Variants in CCSER1 observed in about 807,000 individuals in gnomAD.
CCSER1 encodes the protein serine-rich coiled-coil domain-containing protein 1.
In CCSER1, 41 loss-of-function variants were observed where a neutral mutation model predicts 82.0. The ratio of observed to expected loss-of-function variants is 0.50; its 90% CI spans 0.39 to 0.65. CCSER1 has a LOEUF of 0.65. Ranked by LOEUF, CCSER1 falls within the 30% of genes least tolerant of loss-of-function variation. The probability of loss-of-function intolerance (pLI) is 0.00; values close to 1 mark genes in which losing one functional copy is unlikely to be tolerated. For synonymous variants in CCSER1, 414 were observed against 383.9 expected (o/e 1.08, Z -0.92); for missense variants, 1,119 against 1,064.2 (o/e 1.05, Z -0.72).
At chr4:91,049,930 C>A (rs190789404) in intron 9 of CCSER1, among the ~76,000 whole-genome samples, 8 of 152,288 alleles carry the variant, frequency 5.3e-5, no homozygotes, top group African/African-American at 1.7e-4. Flanking sequence ...CTGGCCCAGG[C>A]TACTACTTAT....
chr4:90,326,925 A>G (rs936448823), intron 3 of CCSER1, among the ~76,000 whole-genome samples: 2 of 152,202 alleles, frequency 1.3e-5, no homozygotes, highest in Admixed American at 1.3e-4. Context: ...TACAGCATAG[A>G]TGGACATTTT....
intron 1 of CCSER1, among the ~76,000 whole-genome samples, chr4:90,222,728 T>A (rs1742375320): frequency 6.6e-6 from 1 of 152,196 alleles, no homozygotes; most frequent in Non-Finnish European, 1.5e-5. Context: ...ATACCTTCCA[T>A]AATTATTTCA....
At chr4:90,441,038 A>G (rs981681808) in intron 4 of CCSER1, among the ~76,000 whole-genome samples, 2 of 152,216 alleles carry the variant, frequency 1.3e-5, no homozygotes, top group Non-Finnish European at 1.5e-5. Flanking sequence ...AAGACAAACA[A>G]TGGCATAAAG....
chr4:90,468,025 C>G (rs978742845), intron 4 of CCSER1, among the ~76,000 whole-genome samples: 2 of 152,006 alleles, frequency 1.3e-5, no homozygotes, highest in African/African-American at 4.8e-5. Flanking sequence ...CTTTTCCACC[C>G]TGGGATTTAA....
At chr4:90,319,377 T>C (rs1490177581) in intron 3 of CCSER1, among the ~76,000 whole-genome samples, 1 of 152,110 alleles carries the variant, frequency 6.6e-6, no homozygotes, top group East Asian at 1.9e-4. Flanking sequence ...ACAGCCTGGG[T>C]GCAGTGGCTC....
intron 9 of CCSER1, among the ~76,000 whole-genome samples, chr4:91,055,879 C>G (rs1443594055): frequency 1.4e-5 from 2 of 142,148 alleles, no homozygotes; most frequent in African/African-American, 5.2e-5. Context: ...GATCACTTTT[C>G]TTCAATCTTT....
intron 10 of CCSER1, among the ~76,000 whole-genome samples, chr4:91,135,042 G>C (rs1261756211): frequency 6.6e-6 from 1 of 151,324 alleles, no homozygotes; most frequent in East Asian, 1.9e-4. Context: ...CCTGGCGACA[G>C]AGAGAGACTC....
intron 10 of CCSER1, among the ~76,000 whole-genome samples, chr4:91,522,442 G>A (rs929071036): frequency 5.9e-5 from 9 of 152,198 alleles, no homozygotes; most frequent in African/African-American, 2.2e-4. Flanking sequence ...GGATGGCACT[G>A]AATCTATAAA....
intron 6 of CCSER1, among the ~76,000 whole-genome samples, chr4:90,652,979 A>G (rs1729046293): frequency 6.6e-6 from 1 of 152,156 alleles, no homozygotes; most frequent in Non-Finnish European, 1.5e-5. Context: ...ATTAATTAAT[A>G]TGCCTCATGC....
chr4:91,078,075 G>A (rs1258218298), intron 9 of CCSER1, among the ~76,000 whole-genome samples: 2 of 152,220 alleles, frequency 1.3e-5, no homozygotes, highest in African/African-American at 4.8e-5. Flanking sequence ...TCCCTGTCTG[G>A]CGGCTTTGAA....
chr4:91,006,298 G>A (rs1453913598), intron 9 of CCSER1, among the ~76,000 whole-genome samples: 1 of 150,634 alleles, frequency 6.6e-6, no homozygotes, highest in Non-Finnish European at 1.5e-5. Flanking sequence ...TTTTTTGTGT[G>A]CTATCAGCAT....
intron 8 of CCSER1, among the ~76,000 whole-genome samples, chr4:90,915,425 C>G (rs1194918899): frequency 6.6e-6 from 1 of 152,168 alleles, no homozygotes; most frequent in Non-Finnish European, 1.5e-5. Context: ...ACATGATTAT[C>G]TCAATAGATG....
chr4:90,932,950 G>GAA (rs1308619375), intron 9 of CCSER1, among the ~76,000 whole-genome samples: 1 of 31,942 alleles, frequency 3.1e-5, no homozygotes, highest in Non-Finnish European at 5.5e-5. Flanking sequence ...AAGAAAGAAA[G>GAA]AAAGAAAGAA....
intron 1 of CCSER1, among the ~76,000 whole-genome samples, chr4:90,167,811 T>G (rs1162691471): frequency 2.0e-5 from 3 of 152,098 alleles, no homozygotes; most frequent in Non-Finnish European, 4.4e-5. Context: ...AACTCATCCT[T>G]TTTTATGGCT....
intron 8 of CCSER1, among the ~76,000 whole-genome samples, chr4:90,921,042 AAATT>A (rs1728308879): frequency 6.6e-6 from 1 of 151,714 alleles, no homozygotes; most frequent in African/African-American, 2.4e-5. Context: ...TAAGAAATCA[AAATT>A]ATCTGCAATT....
chr4:90,946,253 G>A (rs1318836817), intron 9 of CCSER1, among the ~76,000 whole-genome samples: 1 of 152,120 alleles, frequency 6.6e-6, no homozygotes, highest in Non-Finnish European at 1.5e-5. Flanking sequence ...CTGTGACAAT[G>A]TTCTAAGTGC....
At chr4:90,590,061 G>A (rs894434586) in intron 5 of CCSER1, among the ~76,000 whole-genome samples, 2 of 152,066 alleles carry the variant, frequency 1.3e-5, no homozygotes, top group Non-Finnish European at 2.9e-5. Flanking sequence ...ATCACCTTAG[G>A]TCAGGAGTTC....
chr4:91,330,032 T>G (rs1384868222), intron 10 of CCSER1, among the ~76,000 whole-genome samples: 1 of 152,158 alleles, frequency 6.6e-6, no homozygotes, highest in East Asian at 1.9e-4. Flanking sequence ...TTCTGTTTTA[T>G]TCTAACTTCT....
At chr4:90,505,977 C>T (rs1364191943) in intron 5 of CCSER1, among the ~76,000 whole-genome samples, 1 of 152,148 alleles carries the variant, frequency 6.6e-6, no homozygotes, top group Non-Finnish European at 1.5e-5. Flanking sequence ...GTACTTTGAT[C>T]TTATCTCTGT....
Sources: gnomAD v4.1 joint callset for allele counts (sites outside exome capture counted in the v4.1 genomes callset) on GRCh38, gnomAD v4.1.1 for gene constraint, MANE v1.5 for transcripts, NCBI Gene and HGNC (gene_info 2026-07-23, HGNC 2026-07-21) for gene names.